The following RCAN2 variants were observed in gnomAD, a reference collection of about 807,000 sequenced individuals.
RCAN2 encodes regulator of calcineurin 2.
RCAN2 carries 9 observed loss-of-function variants against 23.6 expected under a neutral mutation model. The ratio of observed to expected loss-of-function variants is 0.38; its 90% CI spans 0.23 to 0.67. The LOEUF is 0.67. Among genes scored for constraint, RCAN2 ranks in the 30% least tolerant of loss-of-function variants. The probability of loss-of-function intolerance (pLI) is 0.51; values close to 1 mark genes in which losing one functional copy is unlikely to be tolerated. For synonymous variants in RCAN2, 109 were observed against 115.7 expected (o/e 0.94, Z 0.37); for missense variants, 273 against 302.3 (o/e 0.90, Z 0.72).
intron 2 of RCAN2, among the ~76,000 whole-genome samples, chr6:46,294,758 T>C (rs1762665612): frequency 6.6e-6 from 1 of 152,198 alleles, no homozygotes; most frequent in South Asian, 2.1e-4. Context: ...GAAGGAAATG[T>C]ACCAGTATGC....
At chr6:46,358,276 C>T (rs956398124) in intron 2 of RCAN2, among the ~76,000 whole-genome samples, 1 of 152,154 alleles carries the variant, frequency 6.6e-6, no homozygotes, top group Non-Finnish European at 1.5e-5. Flanking sequence ...GAAAAATACA[C>T]TCCAGTAATG....
chr6:46,295,909 G>T (rs1762709594), intron 2 of RCAN2, among the ~76,000 whole-genome samples: 1 of 151,902 alleles, frequency 6.6e-6, no homozygotes, highest in Non-Finnish European at 1.5e-5. Context: ...CTCAATGAAA[G>T]TGGAAGGATG....
intron 2 of RCAN2, among the ~76,000 whole-genome samples, chr6:46,404,408 G>A (rs565995160): frequency 2.0e-5 from 3 of 152,192 alleles, no homozygotes; most frequent in East Asian, 3.9e-4. Context: ...TGTTATTGGG[G>A]CCCTTCTTAT....
intron 2 of RCAN2, among the ~76,000 whole-genome samples, chr6:46,273,280 G>A (rs1335744446): frequency 6.6e-6 from 1 of 152,120 alleles, no homozygotes; most frequent in African/African-American, 2.4e-5. Flanking sequence ...TAAAGATGAG[G>A]GCACAGAATT....
intron 2 of RCAN2, among the ~76,000 whole-genome samples, chr6:46,387,842 T>G (rs1458222873): frequency 1.3e-5 from 2 of 152,154 alleles, no homozygotes; most frequent in Non-Finnish European, 2.9e-5. Context: ...GGCAAAGACT[T>G]GGAACCAACC....
intron 4 of RCAN2, among the ~76,000 whole-genome samples, chr6:46,243,746 G>T (rs1017312271): frequency 3.8e-4 from 52 of 137,634 alleles, no homozygotes; most frequent in African/African-American, 1.4e-3. Flanking sequence ...GGAGGAGGAG[G>T]TTGCAGTCAG....
chr6:46,451,065 T>C (rs1408401871), intron 2 of RCAN2, among the ~76,000 whole-genome samples: 1 of 152,046 alleles, frequency 6.6e-6, no homozygotes, highest in Non-Finnish European at 1.5e-5. Flanking sequence ...CAATTGAAAA[T>C]AAATTATTTA....
At chr6:46,325,286 T>C in intron 2 of RCAN2, 1 of 1,236,982 alleles carries the variant, frequency 8.1e-7, no homozygotes, top group Non-Finnish European at 1.1e-6. Context: ...TAGCGCAGAC[T>C]ATGAGCTGAA....
At chr6:46,375,669 A>G (rs1765438427) in intron 2 of RCAN2, among the ~76,000 whole-genome samples, 1 of 152,224 alleles carries the variant, frequency 6.6e-6, no homozygotes, top group Admixed American at 6.5e-5. Flanking sequence ...ATAAAGAGCC[A>G]GGGAGTAAAT....
chr6:46,404,899 C>T (rs529494175), intron 2 of RCAN2, among the ~76,000 whole-genome samples: 8 of 152,238 alleles, frequency 5.3e-5, no homozygotes, highest in African/African-American at 1.9e-4. Flanking sequence ...CTGAAGAAAA[C>T]CAATTATGTT....
intron 2 of RCAN2, among the ~76,000 whole-genome samples, chr6:46,367,054 T>TATATATATATATATATATATATATA (rs1765196406): frequency 7.9e-6 from 1 of 127,178 alleles, no homozygotes; most frequent in Non-Finnish European, 1.7e-5. Flanking sequence ...TATATATATA[T>TATATATATATATATATATATATATA]CCTAGCTGAT....
In RCAN2 at chr6:46,333,221, G is replaced by A. The variant is rs980394029; in HGVS notation, c.226-84325C>T. 6.6e-5 allele frequency among the ~76,000 whole-genome samples: 10 copies of A among 152,092 alleles called. 1 individual carries two copies. The South Asian group carries it at 1.2e-3, about 19-fold the overall frequency. The stretch of plus-strand genomic sequence containing the variant: ...TCTGGATATTAGCCCTTTGTCAGAT[G>A]AGTAACAAGTATATGTGTATATTAT... On this transcript the variant is annotated intron_variant, in intron 2 of 4. Transcript: ENST00000371374.
intron 2 of RCAN2, among the ~76,000 whole-genome samples, chr6:46,345,283 T>C (rs1764447559): frequency 6.6e-6 from 1 of 151,868 alleles, no homozygotes; most frequent in Admixed American, 6.5e-5. Flanking sequence ...AAGAGAAAAG[T>C]ACAGATCTAC....
At chr6:46,461,591 T>C (rs1445582679) in intron 1 of RCAN2, among the ~76,000 whole-genome samples, 1 of 151,674 alleles carries the variant, frequency 6.6e-6, no homozygotes, top group Admixed American at 6.6e-5. Flanking sequence ...TTTCTTTTTT[T>C]TTTTTTCTTT....
At chr6:46,231,041 C>G (rs968267613) in intron 4 of RCAN2, among the ~76,000 whole-genome samples, 7 of 152,256 alleles carry the variant, frequency 4.6e-5, no homozygotes, top group African/African-American at 1.7e-4. Context: ...TGAATTGAGT[C>G]CCCTCAAAAG....
chr6:46,416,655 GGGACTA>G (rs1766722930), intron 2 of RCAN2, among the ~76,000 whole-genome samples: 1 of 151,596 alleles, frequency 6.6e-6, no homozygotes, highest in Non-Finnish European at 1.5e-5. Context: ...GCTAGGACTT[GGGACTA>G]CAGACATGTA....
chr6:46,434,602 T>A (rs937970050), intron 2 of RCAN2, among the ~76,000 whole-genome samples: 1 of 152,206 alleles, frequency 6.6e-6, no homozygotes, highest in Admixed American at 6.5e-5. Context: ...AGAATGGGAT[T>A]ATAACTTTCT....
At position 46,233,791 on chromosome 6, in the gene RCAN2, G is replaced by A. The variant is rs1164960575; in HGVS notation, c.572-10490C>T. 4.7e-5 allele frequency among the ~76,000 whole-genome samples: 7 copies of A among 148,690 alleles called. No individual in the cohort carries two copies. The East Asian group carries it at 8.0e-4, about 17-fold the overall frequency. ...CCCAGGCTGGAGAGTGCAATGGCAC[G>A]ATCTTGGCTCACCGCAACCTCTGCC... On this transcript the variant is annotated intron_variant, in intron 4 of 4. Transcript: ENST00000371374.
At chr6:46,291,230 A>T (rs1034805877) in intron 2 of RCAN2, among the ~76,000 whole-genome samples, 1 of 152,164 alleles carries the variant, frequency 6.6e-6, no homozygotes, top group Non-Finnish European at 1.5e-5. Flanking sequence ...CAGGGGGAAA[A>T]AAAGCTGAAT....
Sources: allele counts gnomAD v4.1 joint callset (sites outside exome capture counted in the v4.1 genomes callset), GRCh38; gene constraint gnomAD v4.1.1; transcripts MANE v1.5; gene names NCBI Gene and HGNC (gene_info 2026-07-23, HGNC 2026-07-21).